FAF1: variants seen among roughly 807,000 people sequenced by gnomAD.
FAF1 encodes FAS-associated factor 1.
Under a neutral mutation model 92.5 loss-of-function variants are expected in FAF1, and 25 were observed. That is an observed-to-expected ratio of 0.27 (90% CI 0.20 to 0.38). FAF1 has a LOEUF of 0.38. FAF1 is among the 10% of genes least tolerant of loss of function. The pLI, the probability that FAF1 is intolerant of heterozygous loss-of-function variation, is 1.00. For missense variants in FAF1, 636 were observed against 793.3 expected (o/e 0.80, Z 2.38); for synonymous variants, 234 against 273.2 (o/e 0.86, Z 1.42).
At position 50,665,815 on chromosome 1, in the gene FAF1, T is replaced by C. The variant is rs192625570; in HGVS notation, c.658-10287A>G. Among the ~76,000 whole-genome samples the C allele has an allele frequency of 5.5e-3, 843 of 152,288 alleles. 3 individuals are homozygous for C. Among genetic ancestry groups the C allele is most frequent in the Middle Eastern group, 0.024 (7 of 294 alleles). On this transcript the variant is annotated intron_variant, in intron 7 of 18. Transcript: ENST00000396153. Reference sequence around the variant, plus strand: ...TTAAAAACCAGGTTACAAAATAATATGCATCTCTGTTTAAGTTATGTCTGT... The same window carrying C: ...TTAAAAACCAGGTTACAAAATAATACGCATCTCTGTTTAAGTTATGTCTGT...
chr1:50,581,699 G>A (rs1650992441), intron 12 of FAF1, among the ~76,000 whole-genome samples: 1 of 152,130 alleles, frequency 6.6e-6, no homozygotes, highest in Non-Finnish European at 1.5e-5. Flanking sequence ...GGGAGGAGGT[G>A]GAAAAGGTAA....
chr1:50,890,169 G>A (rs1010456046), intron 1 of FAF1, among the ~76,000 whole-genome samples: 12 of 152,326 alleles, frequency 7.9e-5, no homozygotes, highest in Admixed American at 2.0e-4. Flanking sequence ...TTTTATCAGA[G>A]ACTAGGATTG....
intron 2 of FAF1, among the ~76,000 whole-genome samples, chr1:50,815,798 C>G (rs1001699830): frequency 6.6e-6 from 1 of 151,928 alleles, no homozygotes; most frequent in African/African-American, 2.4e-5. Context: ...CCGAGACGGG[C>G]GGATCACTTG....
At chr1:50,716,723 A>G (rs1223278922) in intron 6 of FAF1, among the ~76,000 whole-genome samples, 1 of 152,188 alleles carries the variant, frequency 6.6e-6, no homozygotes, top group Non-Finnish European at 1.5e-5. Flanking sequence ...AAACACGCCA[A>G]TCAGTGCTGT....
chr1:50,908,970 C>T (rs952825629), intron 1 of FAF1, among the ~76,000 whole-genome samples: 24 of 152,268 alleles, frequency 1.6e-4, no homozygotes, highest in Non-Finnish European at 3.1e-4. Flanking sequence ...TTCCTAGCAT[C>T]GATTGTCTTT....
intron 1 of FAF1, among the ~76,000 whole-genome samples, chr1:50,917,908 G>A (rs1472452041): frequency 6.6e-6 from 1 of 152,152 alleles, no homozygotes; most frequent in Non-Finnish European, 1.5e-5. Flanking sequence ...ACTCAAAACA[G>A]TGCATGCTGT....
intron 2 of FAF1, among the ~76,000 whole-genome samples, chr1:50,839,862 C>T (rs1158768671): frequency 6.6e-6 from 1 of 152,028 alleles, no homozygotes; most frequent in Non-Finnish European, 1.5e-5. Context: ...ATTTAATCAA[C>T]TTCCAAACAT....
chr1:50,560,670 TC>T (rs1215303402), intron 13 of FAF1, among the ~76,000 whole-genome samples: 1 of 152,242 alleles, frequency 6.6e-6, no homozygotes, highest in African/African-American at 2.4e-5. Flanking sequence ...TTTCCAGCAC[TC>T]ATAGCCAGCT....
chr1:50,740,191 AC>A (rs1041710123), intron 5 of FAF1, among the ~76,000 whole-genome samples: 47 of 152,152 alleles, frequency 3.1e-4, no homozygotes, highest in African/African-American at 1.1e-3. Flanking sequence ...GTTGAAAGTG[AC>A]AATTTTTTGA....
At chr1:50,565,722 AG>A (rs1229511043) in intron 13 of FAF1, among the ~76,000 whole-genome samples, 1 of 152,138 alleles carries the variant, frequency 6.6e-6, no homozygotes, top group Non-Finnish European at 1.5e-5. Context: ...GTAAAATAAA[AG>A]GAACTAAGGA....
At chr1:50,685,514 C>A (rs964997856) in intron 7 of FAF1, among the ~76,000 whole-genome samples, 11 of 152,184 alleles carry the variant, frequency 7.2e-5, no homozygotes, top group African/African-American at 2.4e-4. Context: ...AAGCAATGAC[C>A]TTACTGTGAA....
rs147836993 is a variant in FAF1, at chr1:50,560,098, A to G, written c.1268+6979T>C. Among the ~76,000 whole-genome samples the G allele has an allele frequency of 5.1e-4, 78 of 152,282 alleles. No individual in the cohort carries two copies. The East Asian group carries it at 0.014, about 28-fold the overall frequency. ...CCCATGCAGACTCCACACCTGAGCT[A>G]TATTTGCCAGATCAAATGGAAGTGT... On this transcript the variant is annotated intron_variant, in intron 13 of 18. Coordinates refer to ENST00000396153, the MANE Select transcript of FAF1 (RefSeq NM_007051.3).
At chr1:50,809,377 A>G (rs1470447302) in intron 2 of FAF1, among the ~76,000 whole-genome samples, 6 of 152,130 alleles carry the variant, frequency 3.9e-5, no homozygotes, top group Admixed American at 3.9e-4. Context: ...TAGACTAATG[A>G]AGAAAAAAAA....
At chr1:50,599,332 G>A (rs1363651082) in intron 8 of FAF1, among the ~76,000 whole-genome samples, 3 of 152,018 alleles carry the variant, frequency 2.0e-5, no homozygotes. Flanking sequence ...GGCTGGTCTT[G>A]AACTCCTGAC....
At position 50,841,434 on chromosome 1, in the gene FAF1, G is replaced by A. The variant is rs547261351; in HGVS notation, c.114+16495C>T. Among the ~76,000 whole-genome samples, 5 of 152,118 alleles carry A rather than the reference G, an allele frequency of 3.3e-5. 1 individual carries two copies. The highest frequency in any genetic ancestry group is 2.6e-4 in the Admixed American group (4 of 15,278). On this transcript the variant is annotated intron_variant, in intron 2 of 18. Coordinates refer to ENST00000396153, the MANE Select transcript of FAF1 (RefSeq NM_007051.3). Reference sequence around the variant, plus strand: ...GTGCCAAAAGTTGTAGTGTAAGATGGTGACTTTCTCCTTTGTGTTTCCATA... The same window carrying A: ...GTGCCAAAAGTTGTAGTGTAAGATGATGACTTTCTCCTTTGTGTTTCCATA...
intron 18 of FAF1, among the ~76,000 whole-genome samples, chr1:50,455,778 A>AC (rs1315810243): frequency 6.6e-6 from 1 of 152,076 alleles, no homozygotes; most frequent in African/African-American, 2.4e-5. Flanking sequence ...TCCCAGCTTA[A>AC]CCCCCTTCCT....
At chr1:50,501,610 G>A (rs1013938097) in intron 15 of FAF1, among the ~76,000 whole-genome samples, 1 of 150,396 alleles carries the variant, frequency 6.6e-6, no homozygotes, top group Admixed American at 6.6e-5. Flanking sequence ...GCAGTGAGCC[G>A]AGATTGCACC....
chr1:50,903,387 TTA>T (rs931384373), intron 1 of FAF1, among the ~76,000 whole-genome samples: 13 of 152,188 alleles, frequency 8.5e-5, no homozygotes, highest in African/African-American at 3.1e-4. Context: ...CACTGTGTCT[TTA>T]TATAGTCTCC....
chr1:50,515,741 T>A (rs1423897700), intron 15 of FAF1, among the ~76,000 whole-genome samples: 1 of 152,026 alleles, frequency 6.6e-6, no homozygotes. Flanking sequence ...AACATAGACA[T>A]ACCTTCAAAA....
Sources: gnomAD v4.1 joint callset for allele counts (sites outside exome capture counted in the v4.1 genomes callset) on GRCh38, gnomAD v4.1.1 for gene constraint, MANE v1.5 for transcripts, NCBI Gene and HGNC (gene_info 2026-07-23, HGNC 2026-07-21) for gene names.